The following MGAT5 variants were observed in gnomAD, a reference collection of about 807,000 sequenced individuals.
MGAT5 encodes alpha-1,6-mannosylglycoprotein 6-beta-N-acetylglucosaminyltransferase, also known as alpha-1,6-mannosylglycoprotein 6-beta-N-acetylglucosaminyltransferase A.
Under a neutral mutation model 94.3 loss-of-function variants are expected in MGAT5, and 30 were observed. The ratio of observed to expected loss-of-function variants is 0.32; its 90% CI spans 0.24 to 0.43. The LOEUF is 0.43. Among genes scored for constraint, MGAT5 ranks in the 20% least tolerant of loss-of-function variants. The pLI, the probability that MGAT5 is intolerant of heterozygous loss-of-function variation, is 1.00. For synonymous variants in MGAT5, 310 were observed against 322.9 expected (o/e 0.96, Z 0.43); for missense variants, 691 against 905.5 (o/e 0.76, Z 3.04).
In MGAT5 at chr2:134,127,231, G is replaced by A. The variant is rs180748811; in HGVS notation, c.-143+6940G>A. The A allele has an allele frequency of 1.9e-5, 3 of 154,668 alleles. No individual in the cohort carries two copies. In the Admixed American group the frequency reaches 2.0e-4, roughly 10 times the overall value. The allele number at this position is 154,668 out of a possible 1,614,324, so 9.6% of individuals were successfully genotyped here. The stretch of plus-strand genomic sequence containing the variant: ...CCTGTGTAAGACCTTTGCAAACACA[G>A]CTTCAAGCCCCTCTGTTCATCTTGA... On this transcript the variant is annotated intron_variant, in intron 1 of 16. Coordinates refer to the MGAT5 transcript ENST00000409645.
At chr2:134,220,889 A>G (rs1042567818) in intron 1 of MGAT5, among the ~76,000 whole-genome samples, 1 of 151,962 alleles carries the variant, frequency 6.6e-6, no homozygotes, top group Non-Finnish European at 1.5e-5. Flanking sequence ...TCTCTTTCGC[A>G]TTTGTTTTTC....
intron 1 of MGAT5, among the ~76,000 whole-genome samples, chr2:134,163,175 G>C (rs142551330): frequency 8.5e-5 from 13 of 152,252 alleles, no homozygotes; most frequent in South Asian, 2.1e-4. Context: ...GCTTGGAAGG[G>C]GGATGTATTG....
chr2:134,296,201 G>A (rs1685663172), intron 2 of MGAT5, among the ~76,000 whole-genome samples: 1 of 152,178 alleles, frequency 6.6e-6, no homozygotes, highest in Non-Finnish European at 1.5e-5. Flanking sequence ...CTTTGTGGCT[G>A]TGTCAGAGAA....
intron 1 of MGAT5, among the ~76,000 whole-genome samples, chr2:134,230,827 C>T (rs1055489222): frequency 3.2e-4 from 4 of 12,600 alleles, no homozygotes; most frequent in Middle Eastern, 0.091. Context: ...GGAATGAAAA[C>T]ACACACACAC....
chr2:134,228,117 T>C (rs560733736), intron 1 of MGAT5, among the ~76,000 whole-genome samples: 3 of 152,296 alleles, frequency 2.0e-5, no homozygotes, highest in Non-Finnish European at 4.4e-5. Context: ...TTTTAAGGCA[T>C]AGTTTCAGAA....
At chr2:134,176,456 T>C (rs1688468890) in intron 1 of MGAT5, among the ~76,000 whole-genome samples, 2 of 151,026 alleles carry the variant, frequency 1.3e-5, no homozygotes, top group South Asian at 4.2e-4. Flanking sequence ...CCTGTAATTC[T>C]AGCTACTCAG....
rs189796325 is a variant in MGAT5 at position 134,325,294 on chromosome 2, A to G, written c.573+6555A>G. ...TGGGGCTTCAATGCTGTCATCTCCAATTTGTTTTTTATACACATTTAAATA... is the reference window on the plus strand; with the variant it reads ...TGGGGCTTCAATGCTGTCATCTCCAGTTTGTTTTTTATACACATTTAAATA... On this transcript the variant is annotated intron_variant, in intron 4 of 15. Coordinates refer to ENST00000281923, the MANE Select transcript of MGAT5 (RefSeq NM_002410.5). Among the ~76,000 whole-genome samples the G allele has an allele frequency of 3.2e-3, 493 of 152,200 alleles. 1 individual carries two copies. Among genetic ancestry groups the G allele is most frequent in the Non-Finnish European group, 5.4e-3 (369 of 67,976 alleles).
At chr2:134,422,268 G>A (rs1684345616) in intron 12 of MGAT5, among the ~76,000 whole-genome samples, 1 of 152,154 alleles carries the variant, frequency 6.6e-6, no homozygotes, top group African/African-American at 2.4e-5. Flanking sequence ...GACAAAAACT[G>A]CCATTCCTTG....
intron 1 of MGAT5, among the ~76,000 whole-genome samples, chr2:134,221,836 C>T (rs559532412): frequency 6.6e-6 from 1 of 152,188 alleles, no homozygotes; most frequent in South Asian, 2.1e-4. Flanking sequence ...AAATTAGGAC[C>T]TTTCAGACAG....
intron 7 of MGAT5, among the ~76,000 whole-genome samples, chr2:134,344,308 A>G (rs1189887948): frequency 6.6e-6 from 1 of 152,190 alleles, no homozygotes; most frequent in Non-Finnish European, 1.5e-5. Context: ...CTAGTTCTGT[A>G]ATATGGTCAA....
At chr2:134,205,592 A>G (rs148606998) in intron 1 of MGAT5, among the ~76,000 whole-genome samples, 23 of 152,098 alleles carry the variant, frequency 1.5e-4, no homozygotes, top group Admixed American at 3.3e-4. Context: ...TAAGCTGGGG[A>G]TACATACTAA....
chr2:134,442,034 G>T (rs1393231481), intron 15 of MGAT5, 119 bp downstream of exon 15: 11 of 1,154,780 alleles, frequency 9.5e-6, no homozygotes, highest in Non-Finnish European at 1.4e-5. Flanking sequence ...GGGATAAGGT[G>T]TGGGAGGGGA....
chr2:134,136,584 A>T (rs965246852), intron 1 of MGAT5, among the ~76,000 whole-genome samples: 1 of 152,204 alleles, frequency 6.6e-6, no homozygotes, highest in Non-Finnish European at 1.5e-5. Context: ...ATGAATAAAT[A>T]AAATAAATAA....
At chr2:134,376,815 A>C (rs184525700) in intron 10 of MGAT5, among the ~76,000 whole-genome samples, 42 of 152,298 alleles carry the variant, frequency 2.8e-4, no homozygotes, top group Admixed American at 1.9e-3. Context: ...ACCGTGATCC[A>C]AGGATAGGCC....
chr2:134,312,012 G>C (rs752896030), intron 2 of MGAT5, among the ~76,000 whole-genome samples: 1 of 152,162 alleles, frequency 6.6e-6, no homozygotes, highest in African/African-American at 2.4e-5. Flanking sequence ...CACTTTGGGA[G>C]GCTGTGGCAG....
At chr2:134,155,793 C>T (rs953182630) in intron 1 of MGAT5, among the ~76,000 whole-genome samples, 1 of 152,022 alleles carries the variant, frequency 6.6e-6, no homozygotes, top group African/African-American at 2.4e-5. Context: ...AGCTCCAGGG[C>T]CTTTGCACAT....
chr2:134,245,167 C>T (rs1285452499), intron 1 of MGAT5, among the ~76,000 whole-genome samples: 1 of 152,156 alleles, frequency 6.6e-6, no homozygotes, highest in Non-Finnish European at 1.5e-5. Flanking sequence ...CGCCTGCCAC[C>T]ACGCCCGGCT....
At chr2:134,249,220 CTTT>C (rs112989069), upstream of MGAT5, among the ~76,000 whole-genome samples, 1 of 142,216 alleles carries the variant, frequency 7.0e-6, no homozygotes, top group Non-Finnish European at 1.6e-5. Context: ...TTTCTTTTTT[CTTT>C]TTTTTTTTTA....
At chr2:134,345,162 T>C in intron 8 of MGAT5, 98 bp downstream of exon 8, 3 of 1,309,430 alleles carry the variant, frequency 2.3e-6, no homozygotes, top group Non-Finnish European at 3.2e-6. Context: ...ATAGTATCTT[T>C]TCAGCTGTAT....
Sources: allele counts gnomAD v4.1 joint callset (sites outside exome capture counted in the v4.1 genomes callset), GRCh38; gene constraint gnomAD v4.1.1; transcripts MANE v1.5; gene names NCBI Gene and HGNC (gene_info 2026-07-23, HGNC 2026-07-21).